Variants in SLC15A4 observed in about 807,000 individuals in gnomAD.
SLC15A4 encodes the protein solute carrier family 15 member 4, also known as hPHT1.
A neutral mutation model predicts 46.1 loss-of-function variants in SLC15A4; 26 were observed. That is an observed-to-expected ratio of 0.56 (90% CI 0.41 to 0.78). The LOEUF is 0.78. Among genes scored for constraint, SLC15A4 ranks in the 30% least tolerant of loss-of-function variants. The pLI is 0.00. For synonymous variants in SLC15A4, 370 were observed against 333.4 expected, an observed-to-expected ratio of 1.11 and a Z score of -1.20; for missense variants, 751 against 755.7, an observed-to-expected ratio of 0.99 and a Z score of 0.07.
chr12:128,809,194 A>G (rs1955624010), intron 4 of SLC15A4: 1 of 592,526 alleles, frequency 1.7e-6, no homozygotes, highest in Admixed American at 3.5e-5. Flanking sequence ...AGTAATGTTG[A>G]ATTGATGTTA....
chr12:128,808,714 G>A (rs1021166047), intron 5 of SLC15A4, 74 bp downstream of exon 5: 23 of 1,499,586 alleles, frequency 1.5e-5, no homozygotes, highest in East Asian at 9.6e-5. Context: ...GCACGACTGC[G>A]TGTGAGCACT....
At chr12:128,822,872 G>A (rs1168901272) in intron 1 of SLC15A4, among the ~76,000 whole-genome samples, 3 of 150,942 alleles carry the variant, frequency 2.0e-5, no homozygotes, top group Non-Finnish European at 2.9e-5. Context: ...TTTTTGAGGT[G>A]GGGTCTCACT....
intron 5 of SLC15A4, among the ~76,000 whole-genome samples, chr12:128,808,579 A>C (rs1237526980): frequency 6.6e-6 from 1 of 152,224 alleles, no homozygotes; most frequent in Non-Finnish European, 1.5e-5. Context: ...CAATGGTTTT[A>C]GTACCAGCAG....
intron 1 of SLC15A4, 61 bp from the exon 2 acceptor site, chr12:128,815,131 A>T (rs189014775): frequency 6.9e-7 from 1 of 1,459,222 alleles, no homozygotes; most frequent in African/African-American, 1.4e-5. Flanking sequence ...GATGAAAACC[A>T]TATACGGTCA....
At chr12:128,805,007 C>G (rs548175491) in intron 5 of SLC15A4, among the ~76,000 whole-genome samples, 1 of 152,162 alleles carries the variant, frequency 6.6e-6, no homozygotes, top group African/African-American at 2.4e-5. Flanking sequence ...GTCAGAGGAC[C>G]AACATCAGCC....
chr12:128,823,507 G>A lies in SLC15A4; in HGVS notation c.437C>T (p.Pro146Leu), dbSNP rs754934245. Reference sequence around the variant, plus strand: ...TGAGCAGCAGCGGGCGGCGGCGTCGGGACCAGGCGCCGTGCAGTTGAGCAG... The same window carrying A: ...TGAGCAGCAGCGGGCGGCGGCGTCGAGACCAGGCGCCGTGCAGTTGAGCAG... ...ARLLNCTAPG[P>L]DAAARCCSPA... The change falls in exon 1 of 8, where the codon CCC (proline) becomes CTC (leucine). Residue 146 changes from proline to leucine, a missense_variant. Physicochemically the swap from Pro to Leu is moderately conservative, Grantham distance 98 (BLOSUM62 -3). Transcript: ENST00000266771. The A allele has an allele frequency of 6.7e-7, 1 of 1,484,484 alleles. No individual in the cohort carries two copies. The allele number at this position is 1,484,484 out of a possible 1,614,324, so 92.0% of individuals were successfully genotyped here.
chr12:128,806,506 C>T (rs1955591416), intron 5 of SLC15A4, among the ~76,000 whole-genome samples: 1 of 152,158 alleles, frequency 6.6e-6, no homozygotes, highest in Non-Finnish European at 1.5e-5. Context: ...GGTTTCAAAT[C>T]TCTACTCAAA....
intron 5 of SLC15A4, among the ~76,000 whole-genome samples, chr12:128,808,466 T>C (rs1208032816): frequency 2.6e-5 from 4 of 152,228 alleles, no homozygotes; most frequent in African/African-American, 4.8e-5. Flanking sequence ...ACCTTTAATT[T>C]ACAAAAATTC....
chr12:128,795,107 G>C (rs1396186865), intron 7 of SLC15A4, among the ~76,000 whole-genome samples: 1 of 152,118 alleles, frequency 6.6e-6, no homozygotes, highest in Non-Finnish European at 1.5e-5. Flanking sequence ...TATGGAACCT[G>C]TGCACTTTTT....
chr12:128,822,326 T>C (rs1359896337), intron 1 of SLC15A4, among the ~76,000 whole-genome samples: 4 of 152,234 alleles, frequency 2.6e-5, no homozygotes, highest in Non-Finnish European at 5.9e-5. Flanking sequence ...CCGTAACTCC[T>C]TTAAAGCCAC....
chr12:128,803,493 G>A (rs1848134127), intron 5 of SLC15A4, among the ~76,000 whole-genome samples: 1 of 152,126 alleles, frequency 6.6e-6, no homozygotes, highest in African/African-American at 2.4e-5. Context: ...AATGAGACTT[G>A]GAGACAACTG....
At chr12:128,805,944 G>A (rs544182285) in intron 5 of SLC15A4, among the ~76,000 whole-genome samples, 1 of 152,070 alleles carries the variant, frequency 6.6e-6, no homozygotes, top group Non-Finnish European at 1.5e-5. Context: ...CACTTTGGGA[G>A]GCTGAGGTGG....
chr12:128,797,425 A>C (rs1955459337), intron 7 of SLC15A4, among the ~76,000 whole-genome samples: 1 of 152,186 alleles, frequency 6.6e-6, no homozygotes, highest in Non-Finnish European at 1.5e-5. Flanking sequence ...AGAGGCAAGG[A>C]GGGCTTCCAA....
At chr12:128,796,297 C>T (rs138533276) in intron 7 of SLC15A4, among the ~76,000 whole-genome samples, 96 of 152,016 alleles carry the variant, frequency 6.3e-4, no homozygotes, top group African/African-American at 2.0e-3. Context: ...TGGTGGCTGG[C>T]GCCTGTAATC....
At chr12:128,798,009 C>T (rs1955467130) in intron 7 of SLC15A4, among the ~76,000 whole-genome samples, 2 of 152,196 alleles carry the variant, frequency 1.3e-5, no homozygotes, top group South Asian at 2.1e-4. Flanking sequence ...AGCACCAATG[C>T]AGGGGAAGTC....
chr12:128,794,143 C>G lies in SLC15A4; in HGVS notation c.*53G>C. On this transcript the variant is annotated 3_prime_UTR_variant, in exon 8 of 8. Coordinates refer to ENST00000266771, the MANE Select transcript of SLC15A4 (RefSeq NM_145648.4). The stretch of plus-strand genomic sequence containing the variant: ...AAGTCTTGCCTGTTCTCAGTGCACC[C>G]CAGTCAGTTACTGACATGTCAGCCT... The G allele has an allele frequency of 6.5e-7, 1 of 1,532,052 alleles. No individual in the cohort carries two copies. The highest frequency in any genetic ancestry group is 8.9e-7 in the Non-Finnish European group (1 of 1,126,694). 94.9% of individuals were successfully genotyped at this position (1,532,052 alleles called of 1,614,324 possible).
intron 3 of SLC15A4, 115 bp downstream of exon 3, chr12:128,809,828 A>G: frequency 3.8e-6 from 4 of 1,047,376 alleles, no homozygotes; most frequent in Non-Finnish European, 5.4e-6. Context: ...GATTCTGTAG[A>G]CTCATGGGAA....
chr12:128,810,076 T>A lies in SLC15A4; in HGVS notation c.878A>T (p.Gln293Leu). Residue 293 changes from glutamine (Q) to leucine (L), a missense_variant, in exon 3 of 8, where the codon CAA becomes CTA. By Grantham distance (113) the Gln-to-Leu change is moderately radical. Transcript: ENST00000266771. Reference sequence around the variant, plus strand: ...CATCTTACATGAATCAAACAGACTTTGTTTAGAAGATTGCTGAAAGACTCC... The same window carrying A: ...CATCTTACATGAATCAAACAGACTTAGTTTAGAAGATTGCTGAAAGACTCC... Reference protein sequence around the residue: ...GIGVFQQSSKQSLFDSCKMSH... With the variant: ...GIGVFQQSSKLSLFDSCKMSH... The A allele has an allele frequency of 6.2e-7, 1 of 1,613,962 alleles. No individual in the cohort carries two copies. Among genetic ancestry groups the A allele is most frequent in the Non-Finnish European group, 8.5e-7 (1 of 1,179,984 alleles).
rs761253934 is a variant in SLC15A4 at position 128,814,991 on chromosome 12, G to A, written c.626C>T (p.Ser209Leu). ...YWSINLGAIL[S>L]LGGIAYIQQN... Reference sequence around the variant, plus strand: ...CTGAATATAGGCAATGCCACCTAACGACAGGATCGCTCCCAGGTTAATGCT... The same window carrying A: ...CTGAATATAGGCAATGCCACCTAACAACAGGATCGCTCCCAGGTTAATGCT... The change falls in exon 2 of 8, where the codon TCG (serine) becomes TTG (leucine). Residue 209 changes from serine (S) to leucine (L), a missense_variant. Ser to Leu is a moderately radical substitution (Grantham distance 145). Transcript: ENST00000266771. 2 of 1,614,072 alleles carry A rather than the reference G, an allele frequency of 1.2e-6. No homozygotes were observed. Among genetic ancestry groups the A allele is most frequent in the Non-Finnish European group, 1.7e-6 (2 of 1,180,014 alleles).
Sources: gnomAD v4.1 joint callset for allele counts (sites outside exome capture counted in the v4.1 genomes callset) on GRCh38, gnomAD v4.1.1 for gene constraint, MANE v1.5 for transcripts, NCBI Gene and HGNC (gene_info 2026-07-23, HGNC 2026-07-21) for gene names.